Variants in IL1RL1 observed in about 807,000 individuals in gnomAD.
IL1RL1 encodes the protein interleukin-1 receptor-like 1.
A neutral mutation model predicts 50.9 loss-of-function variants in IL1RL1; 32 were observed. That is an observed-to-expected ratio of 0.63 (90% CI 0.47 to 0.84). The LOEUF (loss-of-function observed/expected upper bound fraction) is 0.84, where lower values mean the gene tolerates loss of function less well. IL1RL1 is among the 40% of genes least tolerant of loss of function. The probability of loss-of-function intolerance (pLI) is 0.00; values close to 1 mark genes in which losing one functional copy is unlikely to be tolerated. For synonymous variants in IL1RL1, 275 were observed against 236.0 expected (o/e 1.17, Z -1.51); for missense variants, 773 against 662.9 (o/e 1.17, Z -1.82).
intron 1 of IL1RL1, among the ~76,000 whole-genome samples, chr2:102,335,221 G>A (rs561410176): frequency 8.1e-4 from 124 of 152,306 alleles, no homozygotes; most frequent in African/African-American, 2.8e-3. Context: ...TCTCTGTTAT[G>A]TTGAATGGTG....
intron 1 of IL1RL1, among the ~76,000 whole-genome samples, chr2:102,331,653 C>A (rs928209004): frequency 1.3e-5 from 2 of 152,162 alleles, no homozygotes; most frequent in Non-Finnish European, 2.9e-5. Flanking sequence ...GACAGATATT[C>A]GGGGTAGAGA....
At chr2:102,342,807 G>T (rs1677621883) in intron 6 of IL1RL1, among the ~76,000 whole-genome samples, 1 of 152,082 alleles carries the variant, frequency 6.6e-6, no homozygotes, top group African/African-American at 2.4e-5. Flanking sequence ...CCATGCAGAT[G>T]AGAATATAGT....
chr2:102,322,840 C>G (rs1676873856), intron 1 of IL1RL1, among the ~76,000 whole-genome samples: 1 of 152,118 alleles, frequency 6.6e-6, no homozygotes, highest in Non-Finnish European at 1.5e-5. Flanking sequence ...TAGTTTCCAG[C>G]ATGATAGATT....
chr2:102,349,925 A>C (rs375562984), intron 10 of IL1RL1, among the ~76,000 whole-genome samples: 1 of 152,184 alleles, frequency 6.6e-6, no homozygotes, highest in East Asian at 1.9e-4. Flanking sequence ...GGGCTCAGCT[A>C]TCAAGGGCCT....
At chr2:102,332,227 G>C (rs569930289) in intron 1 of IL1RL1, among the ~76,000 whole-genome samples, 2 of 152,286 alleles carry the variant, frequency 1.3e-5, no homozygotes, top group Admixed American at 1.3e-4. Context: ...TAAACATGAT[G>C]CATAAGTAGA....
At chr2:102,345,212 A>G in intron 8 of IL1RL1, 1 of 984,432 alleles carries the variant, frequency 1.0e-6, no homozygotes, top group Non-Finnish European at 1.2e-6. Flanking sequence ...CTCTTCCCAC[A>G]GAGGTGGACT....
At chr2:102,322,175 C>T (rs923818164) in intron 1 of IL1RL1, among the ~76,000 whole-genome samples, 3 of 152,120 alleles carry the variant, frequency 2.0e-5, no homozygotes, top group South Asian at 2.1e-4. Context: ...GGCAGCCAGT[C>T]GGAATTTCAG....
At chr2:102,332,012 G>T (rs1305405218) in intron 1 of IL1RL1, among the ~76,000 whole-genome samples, 1 of 152,136 alleles carries the variant, frequency 6.6e-6, no homozygotes, top group East Asian at 1.9e-4. Context: ...AGACTGCAGT[G>T]AGCCATGATC....
At chr2:102,315,721 C>A (rs759676459) in intron 1 of IL1RL1, among the ~76,000 whole-genome samples, 5 of 152,126 alleles carry the variant, frequency 3.3e-5, no homozygotes, top group African/African-American at 1.2e-4. Context: ...AGATCACGAA[C>A]GTACACACCA....
rs765745273 is a variant in IL1RL1 at position 102,340,311 on chromosome 2, C to T, written c.447+39C>T. ...TGGAAGGAAATAGATGAAAATTACA[C>T]AATTAAAATAGACACAAGTGGCCGG... On this transcript the variant is annotated intron_variant, in intron 4 of 10. Coordinates refer to ENST00000233954, the MANE Select transcript of IL1RL1 (RefSeq NM_016232.5). 7.9e-6 allele frequency: 12 copies of T among 1,518,484 alleles called. No homozygotes were observed. The Admixed American group carries it at 1.0e-4, about 13-fold the overall frequency. The allele number at this position is 1,518,484 out of a possible 1,614,324, so 94.1% of individuals were successfully genotyped here.
intron 1 of IL1RL1, among the ~76,000 whole-genome samples, chr2:102,330,525 T>C (rs915592206): frequency 6.6e-6 from 1 of 152,210 alleles, no homozygotes; most frequent in Non-Finnish European, 1.5e-5. Context: ...GTGATTTTAA[T>C]TGTTTACATT....
At chr2:102,342,030 A>C (rs1008600668) in intron 5 of IL1RL1, among the ~76,000 whole-genome samples, 193 bp from the exon 6 acceptor site, 8 of 148,786 alleles carry the variant, frequency 5.4e-5, no homozygotes, top group Non-Finnish European at 4.4e-5. Context: ...AGTTTTATTT[A>C]AGTGCCTTTC....
At chr2:102,312,042 TTATATATATAA>T (rs1676529416) in intron 1 of IL1RL1, among the ~76,000 whole-genome samples, 1 of 76,158 alleles carries the variant, frequency 1.3e-5, no homozygotes, top group Non-Finnish European at 2.3e-5. Context: ...ATATTAAATA[TTATATATATAA>T]TATATATAAC....
At chr2:102,350,032 G>C (rs951259590) in intron 10 of IL1RL1, among the ~76,000 whole-genome samples, 4 of 149,230 alleles carry the variant, frequency 2.7e-5, no homozygotes, top group African/African-American at 1.0e-4. Context: ...TGAACAACAG[G>C]TGACTTTGGT....
At chr2:102,336,183 T>G (rs1207891676) in intron 1 of IL1RL1, among the ~76,000 whole-genome samples, 1 of 152,172 alleles carries the variant, frequency 6.6e-6, no homozygotes, top group Non-Finnish European at 1.5e-5. Context: ...GGCAGTTGGA[T>G]TCTGTGATTA....
chr2:102,338,738 G>A, intron 2 of IL1RL1, 99 bp from the exon 3 acceptor site: 1 of 874,378 alleles, frequency 1.1e-6, no homozygotes, highest in Non-Finnish European at 1.8e-6. Context: ...TATATGACCG[G>A]CTTCTAAATT....
At chr2:102,348,147 G>T in intron 9 of IL1RL1, 56 bp downstream of exon 9, 1 of 1,397,866 alleles carries the variant, frequency 7.2e-7, no homozygotes, top group Non-Finnish European at 1.0e-6. Flanking sequence ...AATAACTGTT[G>T]GTTACCTGTC....
At chr2:102,333,763 G>C (rs1573144640) in intron 1 of IL1RL1, among the ~76,000 whole-genome samples, 1 of 152,090 alleles carries the variant, frequency 6.6e-6, no homozygotes. Flanking sequence ...GGAGTCCCCA[G>C]TGTCTATTAT....
At position 102,349,262 on chromosome 2, in the gene IL1RL1, T is replaced by C. The variant is rs1379026342; in HGVS notation, c.1285+16T>C. 3 of 1,607,302 alleles carry C rather than the reference T, an allele frequency of 1.9e-6. No homozygotes were observed. In the African/African-American group the frequency reaches 4.0e-5, roughly 21 times the overall value. On this transcript the variant is annotated intron_variant, in intron 10 of 10. Transcript: ENST00000233954. Reference sequence around the variant, plus strand: ...CCTGGAGAAGGTAAAGCTATTGACATACATTAGGGACAGAAATTCATGCTT... The same window carrying C: ...CCTGGAGAAGGTAAAGCTATTGACACACATTAGGGACAGAAATTCATGCTT...
Sources: gnomAD v4.1 joint callset for allele counts (sites outside exome capture counted in the v4.1 genomes callset) on GRCh38, gnomAD v4.1.1 for gene constraint, MANE v1.5 for transcripts, NCBI Gene and HGNC (gene_info 2026-07-23, HGNC 2026-07-21) for gene names.